BTBD1: variants seen among roughly 807,000 people sequenced by gnomAD.
The protein encoded by BTBD1 is BTB/POZ domain-containing protein 1.
In BTBD1, 34 loss-of-function variants were observed where a neutral mutation model predicts 48.0. The ratio of observed to expected loss-of-function variants is 0.71; its 90% CI spans 0.54 to 0.94. BTBD1 has a LOEUF of 0.94. BTBD1 is among the 40% of genes least tolerant of loss of function. BTBD1 has a pLI of 0.00. For synonymous variants in BTBD1, 261 were observed against 242.1 expected, an observed-to-expected ratio of 1.08 and a Z score of -0.72; for missense variants, 543 against 625.6, an observed-to-expected ratio of 0.87 and a Z score of 1.41.
At position 83,021,560 on chromosome 15, in the gene BTBD1, C is replaced by T. The variant is rs539152612; in HGVS notation, c.1056-798G>A. Among the ~76,000 whole-genome samples the T allele has an allele frequency of 1.9e-3, 289 of 152,142 alleles. 1 individual carries two copies. Among genetic ancestry groups the T allele is most frequent in the African/African-American group, 6.6e-3 (272 of 41,512 alleles). On this transcript the variant is annotated intron_variant, in intron 5 of 7. Coordinates refer to ENST00000261721, the MANE Select transcript of BTBD1 (RefSeq NM_025238.4). ...CCTGAGGTCAGGAGTTTCAGACCAGCCTGGCCAACATGGCAAATCCCTGTC... is the reference window on the plus strand; with the variant it reads ...CCTGAGGTCAGGAGTTTCAGACCAGTCTGGCCAACATGGCAAATCCCTGTC...
rs1390240844 is a variant in BTBD1, at chr15:83,062,231, C to T, written c.401+4520G>A. Among the ~76,000 whole-genome samples the T allele has an allele frequency of 2.0e-5, 3 of 151,976 alleles. No homozygotes were observed. In the East Asian group the frequency reaches 5.8e-4, roughly 29 times the overall value. On this transcript the variant is annotated intron_variant, in intron 1 of 7. Transcript: ENST00000261721. ...TCAGGGGAATTATATGACCATATAC[C>T]AATATTGGAGAGATCACTGTTAACA...
chr15:83,035,509 C>A, intron 4 of BTBD1, among the ~76,000 whole-genome samples: 1 of 150,712 alleles, frequency 6.6e-6, no homozygotes, highest in African/African-American at 2.4e-5. Flanking sequence ...AAAAAAAAAG[C>A]AAAAATTAAA....
At chr15:83,044,847 T>A in intron 3 of BTBD1, 1 of 881,364 alleles carries the variant, frequency 1.1e-6, no homozygotes, top group South Asian at 1.4e-5. Flanking sequence ...ATCTCCATAG[T>A]GTTTTTTTTC....
At chr15:83,022,549 T>G (rs1015331356) in intron 5 of BTBD1, 5 of 151,930 alleles carry the variant, frequency 3.3e-5, no homozygotes, top group Non-Finnish European at 7.3e-5. Flanking sequence ...CACACCCCTG[T>G]AATCCCAGCT....
rs767479917 is a variant in BTBD1, at chr15:83,025,357, CAAAAAAAA to C, written c.1056-4603_1056-4596del. On this transcript the variant is annotated intron_variant, in intron 5 of 7. Transcript: ENST00000261721. ...TGGGCAACAAAACAAGACTCCATCACAAAAAAAAAAAAAAAAAAAAAAAGAATTTTGCC... is the reference window on the plus strand; with the variant it reads ...TGGGCAACAAAACAAGACTCCATCACAAAAAAAAAAAAAAAGAATTTTGCC... Among the ~76,000 whole-genome samples the C allele has an allele frequency of 6.2e-5, 4 of 64,176 alleles. No homozygotes were observed. The Admixed American group carries it at 7.8e-4, about 12-fold the overall frequency. The allele number at this position is 64,176 out of a possible 152,430, so 42.1% of individuals were successfully genotyped here. A position where few individuals can be genotyped will look rare whatever the true frequency, so the allele number is the denominator to read the frequency against.
rs773324977 is a variant in BTBD1, at chr15:83,050,092, C to A, written c.645G>T (p.Gly215=). The change falls in exon 3 of 8, where the codon GGG becomes GGT. Residue 215 remains glycine (G), a synonymous_variant. Coordinates refer to ENST00000261721, the MANE Select transcript of BTBD1 (RefSeq NM_025238.4). ...ACTTACCTATATCAATATCAGTAAA[C>A]CCTTCTGCACTTATTGCATCCATTG... ...KSTMDAISAE[G]FTDIDIDTLC... is the part of the protein sequence containing the mutation. 9.9e-6 allele frequency: 16 copies of A among 1,610,432 alleles called. No homozygotes were observed. The highest frequency in any genetic ancestry group is 4.5e-5 in the East Asian group (2 of 44,764).
At chr15:83,023,563 A>G (rs1596422404) in intron 5 of BTBD1, among the ~76,000 whole-genome samples, 1 of 151,848 alleles carries the variant, frequency 6.6e-6, no homozygotes, top group South Asian at 2.1e-4. Context: ...AAAAATTATT[A>G]TTTGTAGATG....
At chr15:83,025,219 T>C (rs1316061402) in intron 5 of BTBD1, among the ~76,000 whole-genome samples, 1 of 151,802 alleles carries the variant, frequency 6.6e-6, no homozygotes, top group Non-Finnish European at 1.5e-5. Flanking sequence ...CCAGGCATGG[T>C]GGCAGACGCC....
intron 4 of BTBD1, among the ~76,000 whole-genome samples, chr15:83,031,581 G>T (rs1356875095): frequency 6.6e-6 from 1 of 152,144 alleles, no homozygotes. Flanking sequence ...TGAACAGTGA[G>T]AACACTTGGA....
intron 3 of BTBD1, among the ~76,000 whole-genome samples, chr15:83,046,141 A>G (rs755658243): frequency 2.6e-5 from 4 of 152,130 alleles, no homozygotes; most frequent in Non-Finnish European, 5.9e-5. Flanking sequence ...CACACCTGTA[A>G]TCCCAGCACT....
intron 5 of BTBD1, among the ~76,000 whole-genome samples, chr15:83,021,109 C>T (rs113480595): frequency 7.4e-4 from 112 of 152,320 alleles, no homozygotes; most frequent in African/African-American, 2.4e-3. Context: ...TCTCAAACTA[C>T]GACAATTATC....
At position 83,048,454 on chromosome 15, in the gene BTBD1, G is replaced by A. The variant is rs571975906; in HGVS notation, c.664+1619C>T. Among the ~76,000 whole-genome samples, 19 of 152,252 alleles carry A rather than the reference G, an allele frequency of 1.2e-4. 1 individual carries two copies. The South Asian group carries it at 3.5e-3, about 28-fold the overall frequency. ...TCATAAAGATAGTATTTAAAGCCAC[G>A]GGCCTGGATTAGATCTCTCTACTCT... On this transcript the variant is annotated intron_variant, in intron 3 of 7. Coordinates refer to ENST00000261721, the MANE Select transcript of BTBD1 (RefSeq NM_025238.4).
At chr15:83,045,723 A>G (rs2032865181) in intron 3 of BTBD1, among the ~76,000 whole-genome samples, 1 of 152,208 alleles carries the variant, frequency 6.6e-6, no homozygotes, top group Admixed American at 6.5e-5. Context: ...GCAGATGAGT[A>G]TAAACTATGG....
At chr15:83,044,727 A>G in intron 3 of BTBD1, 2 of 1,471,394 alleles carry the variant, frequency 1.4e-6, no homozygotes, top group Non-Finnish European at 9.4e-7. Flanking sequence ...GTACTGTGTC[A>G]TGAACAATGT....
intron 5 of BTBD1, 74 bp from the exon 6 acceptor site, chr15:83,020,836 T>A: frequency 1.1e-6 from 1 of 930,024 alleles, no homozygotes; most frequent in Non-Finnish European, 1.7e-6. Flanking sequence ...TAATTTTTTT[T>A]AAGTGTAACC....
Position 83,030,264 on chromosome 15 carries a change from GAC to G in BTBD1, c.925_926del (p.Val309GlnfsTer3). ...TGTATTCAACTCGGGGTTTAGGGTT[GAC>G]AGTAAAATGAAGAAAGAGGTTTACC... ...EVVNLFLHFT[V>X]NPKPRVEYID... On this transcript the variant is annotated frameshift_variant, in exon 5 of 8. Transcript: ENST00000261721. LOFTEE classifies it high-confidence loss of function. The G allele has an allele frequency of 6.2e-7, 1 of 1,614,026 alleles. No homozygotes were observed. Among genetic ancestry groups the G allele is most frequent in the Non-Finnish European group, 8.5e-7 (1 of 1,179,988 alleles).
intron 3 of BTBD1, among the ~76,000 whole-genome samples, chr15:83,049,576 A>G (rs939387318): frequency 2.0e-5 from 3 of 151,554 alleles, no homozygotes; most frequent in Non-Finnish European, 4.4e-5. Context: ...ACATTTTACC[A>G]TATGTCCTCT....
chr15:83,059,309 G>A (rs2033140479), intron 1 of BTBD1, among the ~76,000 whole-genome samples: 1 of 152,136 alleles, frequency 6.6e-6, no homozygotes, highest in Non-Finnish European at 1.5e-5. Context: ...ACTTTGGGAG[G>A]CAAAGGCAGG....
chr15:83,060,799 T>C (rs2033164189), intron 1 of BTBD1, among the ~76,000 whole-genome samples: 2 of 151,956 alleles, frequency 1.3e-5, no homozygotes, highest in Non-Finnish European at 2.9e-5. Context: ...TCTCAAAAAA[T>C]AAAATAAAAT....
Sources: allele counts gnomAD v4.1 joint callset (sites outside exome capture counted in the v4.1 genomes callset), GRCh38; gene constraint gnomAD v4.1.1; transcripts MANE v1.5; gene names NCBI Gene and HGNC (gene_info 2026-07-23, HGNC 2026-07-21).